Variants in PTPRQ observed in about 807,000 individuals in gnomAD.
The protein encoded by PTPRQ is phosphatidylinositol phosphatase PTPRQ.
PTPRQ carries 199 observed loss-of-function variants against 246.0 expected under a neutral mutation model. The observed-to-expected ratio is 0.81, with a 90% CI of 0.72 to 0.91. PTPRQ has a LOEUF of 0.91. Ranked by LOEUF, PTPRQ falls within the 40% of genes least tolerant of loss-of-function variation. PTPRQ has a pLI of 0.00. For synonymous variants in PTPRQ, 869 were observed against 853.2 expected (o/e 1.02, Z -0.32); for missense variants, 2,624 against 2,528.4 (o/e 1.04, Z -0.81).
chr12:80,497,256 A>G (rs144939446), intron 14 of PTPRQ, among the ~76,000 whole-genome samples: 2 of 151,966 alleles, frequency 1.3e-5, no homozygotes, highest in Admixed American at 6.6e-5. Context: ...CTGCAACTAG[A>G]TGGTCCTATC....
intron 39 of PTPRQ, among the ~76,000 whole-genome samples, 172 bp downstream of exon 39, chr12:80,658,233 T>A (rs1374533164): frequency 6.6e-6 from 1 of 152,062 alleles, no homozygotes; most frequent in African/African-American, 2.4e-5. Flanking sequence ...GATATGGATA[T>A]GCCTAACAGA....
Position 80,610,596 on chromosome 12 carries a change from C to CT in PTPRQ, c.4890dup (p.Glu1631Ter), listed in dbSNP as rs1898513363. 2.6e-6 allele frequency: 4 copies of CT among 1,543,046 alleles called. No homozygotes were observed. The highest frequency in any genetic ancestry group is 2.0e-5 in the Admixed American group (1 of 50,628). On this transcript the variant is annotated frameshift_variant, in exon 28 of 45. Coordinates refer to ENST00000644991, the MANE Select transcript of PTPRQ (RefSeq NM_001145026.2). LOFTEE classifies it high-confidence loss of function. ...GCATATGTAGAAGGGAAGTCAAGTG[C>CT]TGAAATGATTGTTACTACTTTAGAA...
Position 80,679,203 on chromosome 12 carries a change from TA to T in PTPRQ, c.*182del. ...GTTCTTGAAAATAGCTAATACAGAA[TA>T]ATTATTTGTTTTGTACAGAATAAAT... On this transcript the variant is annotated 3_prime_UTR_variant, in exon 45 of 45. Transcript: ENST00000644991. 1.7e-6 allele frequency: 1 copy of T among 601,166 alleles called. No individual in the cohort carries two copies. The highest frequency in any genetic ancestry group is 2.5e-6 in the Non-Finnish European group (1 of 392,504). The allele number at this position is 601,166 out of a possible 1,614,324, so 37.2% of individuals were successfully genotyped here.
In PTPRQ at chr12:80,484,481, A is replaced by C. The variant is rs1339028272; in HGVS notation, c.1235A>C (p.Gln412Pro). 1 of 1,551,320 alleles carries C rather than the reference A, an allele frequency of 6.4e-7. No homozygotes were observed. The highest frequency in any genetic ancestry group is 8.7e-7 in the Non-Finnish European group (1 of 1,146,842). ...CAACTTGCAGAGGTAGAATCCACGC[A>C]AGTAAGAATTACTTGGAAGAAACCA... ...DLQLAEVEST[Q>P]VRITWKKPRQ... The change falls in exon 9 of 45, where the codon CAA (glutamine) becomes CCA (proline). Residue 412 changes from glutamine (Q) to proline (P), a missense_variant. Coordinates refer to ENST00000644991, the MANE Select transcript of PTPRQ (RefSeq NM_001145026.2).
rs1337937081 is a variant in PTPRQ, at chr12:80,494,919, C to T, written c.1541-14C>T. On this transcript the variant is annotated splice_polypyrimidine_tract_variant and intron_variant, in intron 10 of 44. Coordinates refer to ENST00000644991, the MANE Select transcript of PTPRQ (RefSeq NM_001145026.2). The stretch of plus-strand genomic sequence containing the variant: ...ACACCTTTCTTTTTTTCTCTTTTTA[C>T]TGAATTCAAACAGTAACTACAAGGA... 6.7e-7 allele frequency: 1 copy of T among 1,501,186 alleles called. No individual in the cohort carries two copies. Among genetic ancestry groups the T allele is most frequent in the African/African-American group, 1.4e-5 (1 of 70,666 alleles). 93.0% of individuals were successfully genotyped at this position (1,501,186 alleles called of 1,614,324 possible).
intron 25 of PTPRQ, among the ~76,000 whole-genome samples, chr12:80,551,327 T>C (rs1896468154): frequency 1.3e-5 from 2 of 152,092 alleles, no homozygotes; most frequent in South Asian, 4.1e-4. Context: ...AATCAGGTCT[T>C]ATCAATTCAA....
intron 44 of PTPRQ, 35 bp from the exon 45 acceptor site, chr12:80,678,951 A>G (rs952374438): frequency 6.6e-7 from 1 of 1,525,000 alleles, no homozygotes; most frequent in East Asian, 2.5e-5. Context: ...TGTTAACTTC[A>G]ACACTCTCTT....
chr12:80,636,324 G>T (rs1899647406), intron 35 of PTPRQ, among the ~76,000 whole-genome samples: 1 of 152,122 alleles, frequency 6.6e-6, no homozygotes, highest in Non-Finnish European at 1.5e-5. Flanking sequence ...TATGTAAAAA[G>T]AATCAATAAA....
chr12:80,466,645 G>C (rs1227862648), intron 6 of PTPRQ, among the ~76,000 whole-genome samples: 1 of 152,168 alleles, frequency 6.6e-6, no homozygotes, highest in Non-Finnish European at 1.5e-5. Flanking sequence ...AATGGTACTG[G>C]TACCAAAACA....
intron 32 of PTPRQ, among the ~76,000 whole-genome samples, chr12:80,620,810 C>T (rs1217076077): frequency 6.6e-6 from 1 of 151,808 alleles, no homozygotes; most frequent in Non-Finnish European, 1.5e-5. Context: ...TCACTCATAA[C>T]AATAACTCTC....
At chr12:80,632,912 C>T (rs1899494511) in intron 34 of PTPRQ, among the ~76,000 whole-genome samples, 1 of 152,132 alleles carries the variant, frequency 6.6e-6, no homozygotes, top group Non-Finnish European at 1.5e-5. Context: ...ATGGGCAGAA[C>T]GTTCACTTCA....
chr12:80,665,577 C>T (rs982148532), intron 39 of PTPRQ, among the ~76,000 whole-genome samples: 6 of 151,742 alleles, frequency 4.0e-5, no homozygotes, highest in Middle Eastern at 3.2e-3. Context: ...AAAACACAGG[C>T]AGTAAAAGCA....
At chr12:80,576,142 G>T (rs1025529981) in intron 25 of PTPRQ, among the ~76,000 whole-genome samples, 6 of 151,324 alleles carry the variant, frequency 4.0e-5, no homozygotes, top group African/African-American at 1.5e-4. Context: ...ACAGCCACAG[G>T]TTTTTTTTTC....
intron 39 of PTPRQ, among the ~76,000 whole-genome samples, chr12:80,660,533 C>T (rs557377589): frequency 6.6e-6 from 1 of 151,948 alleles, no homozygotes; most frequent in East Asian, 1.9e-4. Context: ...TCAAGAGAGT[C>T]AAAAATGAAA....
At chr12:80,480,401 A>C (rs1893996472) in intron 8 of PTPRQ, among the ~76,000 whole-genome samples, 1 of 152,032 alleles carries the variant, frequency 6.6e-6, no homozygotes, top group African/African-American at 2.4e-5. Flanking sequence ...TATAGCACTA[A>C]ATGCCCACAA....
chr12:80,563,725 G>C (rs999651860), intron 25 of PTPRQ, among the ~76,000 whole-genome samples: 2 of 152,090 alleles, frequency 1.3e-5, no homozygotes, highest in Non-Finnish European at 2.9e-5. Flanking sequence ...GATCACCCTG[G>C]TTGGGAGGAG....
At chr12:80,485,844 C>A (rs1015661118) in intron 9 of PTPRQ, among the ~76,000 whole-genome samples, 8 of 152,054 alleles carry the variant, frequency 5.3e-5, no homozygotes, top group Non-Finnish European at 8.8e-5. Context: ...GGTGGCCACA[C>A]CTGTTTTTCC....
chr12:80,551,506 G>T (rs1284329965), intron 25 of PTPRQ, among the ~76,000 whole-genome samples: 1 of 151,962 alleles, frequency 6.6e-6, no homozygotes, highest in African/African-American at 2.4e-5. Context: ...AATTGAATTG[G>T]TTCTAACATA....
At chr12:80,469,912 C>A (rs1031562727) in intron 7 of PTPRQ, among the ~76,000 whole-genome samples, 1 of 152,188 alleles carries the variant, frequency 6.6e-6, no homozygotes. Context: ...GGAGTGATCA[C>A]ATGCTTTCAG....
Sources: allele counts gnomAD v4.1 joint callset (sites outside exome capture counted in the v4.1 genomes callset), GRCh38; gene constraint gnomAD v4.1.1; transcripts MANE v1.5; gene names NCBI Gene and HGNC (gene_info 2026-07-23, HGNC 2026-07-21).